HEMK2: variants seen among roughly 807,000 people sequenced by gnomAD.
HEMK2 encodes the protein methyltransferase HEMK2.
chr21:28,709,989 C>T, the HEMK2 span, among the ~76,000 whole-genome samples: 1 of 152,172 alleles, frequency 6.6e-6, no homozygotes, highest in Non-Finnish European at 1.5e-5. Context: ...CTAACCACAC[C>T]AGTCAAGGGT....
At chr21:28,759,694 A>C in the HEMK2 span, among the ~76,000 whole-genome samples, 31 of 152,224 alleles carry the variant, frequency 2.0e-4, no homozygotes, top group African/African-American at 7.5e-4. Flanking sequence ...TTTCCCCCAC[A>C]CTGTTCTAAT....
the HEMK2 span, among the ~76,000 whole-genome samples, chr21:28,621,575 C>T: frequency 3.3e-5 from 5 of 152,080 alleles, no homozygotes; most frequent in Admixed American, 1.3e-4. Context: ...AAGGAGTCAG[C>T]AAAGGGTGGT....
chr21:28,720,473 C>T, the HEMK2 span, among the ~76,000 whole-genome samples: 1 of 152,184 alleles, frequency 6.6e-6, no homozygotes. Context: ...TGGCTCATGC[C>T]TGTTATTCTA....
At chr21:28,817,863 C>G in the HEMK2 span, among the ~76,000 whole-genome samples, 2 of 152,150 alleles carry the variant, frequency 1.3e-5, no homozygotes, top group African/African-American at 4.8e-5. Context: ...ATGACAGTTA[C>G]TATCTCGGAG....
chr21:28,869,829 C>A, the HEMK2 span, among the ~76,000 whole-genome samples: 23 of 152,162 alleles, frequency 1.5e-4, no homozygotes, highest in African/African-American at 5.3e-4. Context: ...ATCAGTTGAA[C>A]CTCTGCACAT....
the HEMK2 span, among the ~76,000 whole-genome samples, chr21:28,578,305 C>A: frequency 6.6e-6 from 1 of 152,186 alleles, no homozygotes; most frequent in Non-Finnish European, 1.5e-5. Flanking sequence ...AGATAATTTT[C>A]CCTTCTCCTG....
the HEMK2 span, among the ~76,000 whole-genome samples, chr21:28,751,903 G>A: frequency 6.6e-6 from 1 of 151,872 alleles, no homozygotes; most frequent in Non-Finnish European, 1.5e-5. Flanking sequence ...CTGGTCACCC[G>A]CCTCAGCCTC....
the HEMK2 span, among the ~76,000 whole-genome samples, chr21:28,697,877 C>T: frequency 6.6e-6 from 1 of 151,378 alleles, no homozygotes; most frequent in Non-Finnish European, 1.5e-5. Flanking sequence ...ACCATAGACA[C>T]GGTGACTTGT....
chr21:28,680,459 T>C, the HEMK2 span, among the ~76,000 whole-genome samples: 10 of 152,162 alleles, frequency 6.6e-5, no homozygotes, highest in Non-Finnish European at 1.3e-4. Context: ...CACAGCCAGA[T>C]TGTGTCAGAG....
At chr21:28,723,675 ATGT>A in the HEMK2 span, among the ~76,000 whole-genome samples, 1 of 152,322 alleles carries the variant, frequency 6.6e-6, no homozygotes. Flanking sequence ...CATCAATAAG[ATGT>A]TGATAATCAT....
At chr21:28,858,548 G>C in the HEMK2 span, among the ~76,000 whole-genome samples, 1 of 151,912 alleles carries the variant, frequency 6.6e-6, no homozygotes, top group Non-Finnish European at 1.5e-5. Context: ...AAACAGGAAG[G>C]AGGGAGGGAG....
the HEMK2 span, among the ~76,000 whole-genome samples, chr21:28,662,211 T>C: frequency 2.0e-5 from 3 of 152,106 alleles, no homozygotes; most frequent in African/African-American, 4.8e-5. Flanking sequence ...CGCTGATACG[T>C]GTAAACTGTA....
At chr21:28,631,020 C>A in the HEMK2 span, among the ~76,000 whole-genome samples, 1 of 152,150 alleles carries the variant, frequency 6.6e-6, no homozygotes, top group Non-Finnish European at 1.5e-5. Context: ...CAGGAAGTCA[C>A]TAGAGAGTAA....
At chr21:28,612,162 G>T in the HEMK2 span, among the ~76,000 whole-genome samples, 1 of 145,894 alleles carries the variant, frequency 6.9e-6, no homozygotes, top group Middle Eastern at 3.6e-3. Flanking sequence ...GAACATAGAT[G>T]CAAAAATCCT....
chr21:28,665,349 TTTTTTTTTACTTTTTAATTTTC>T, the HEMK2 span, among the ~76,000 whole-genome samples: 1 of 136,348 alleles, frequency 7.3e-6, no homozygotes, highest in Non-Finnish European at 1.5e-5. Context: ...TTTTTTTTTT[TTTTTTTTTACTTTTTAATTTTC>T]TTTTTTTTTT....
the HEMK2 span, among the ~76,000 whole-genome samples, chr21:28,704,302 T>C: frequency 6.6e-6 from 1 of 152,150 alleles, no homozygotes; most frequent in Admixed American, 6.5e-5. Context: ...TCAGACCTCC[T>C]AATGCACTGC....
chr21:28,828,496 C>G, the HEMK2 span, among the ~76,000 whole-genome samples: 1 of 152,160 alleles, frequency 6.6e-6, no homozygotes, highest in African/African-American at 2.4e-5. Context: ...ATAGTGGCAC[C>G]AGTTCCGAAC....
the HEMK2 span, among the ~76,000 whole-genome samples, chr21:28,871,316 G>A: frequency 6.6e-6 from 1 of 152,174 alleles, no homozygotes; most frequent in Non-Finnish European, 1.5e-5. Context: ...AGGGCACAAG[G>A]TGAAGAGGAA....
At chr21:28,766,970 G>A in the HEMK2 span, among the ~76,000 whole-genome samples, 1 of 152,012 alleles carries the variant, frequency 6.6e-6, no homozygotes. Context: ...CAAGTGATAC[G>A]GTTTGGCTGT....
Sources: allele counts gnomAD v4.1 joint callset (sites outside exome capture counted in the v4.1 genomes callset), GRCh38; gene constraint gnomAD v4.1.1; transcripts MANE v1.5; gene names NCBI Gene and HGNC (gene_info 2026-07-23, HGNC 2026-07-21).